Variants in MYO3A observed in about 807,000 individuals in gnomAD.
MYO3A encodes the protein myosin-IIIa.
Under a neutral mutation model 192.7 loss-of-function variants are expected in MYO3A, and 180 were observed. The observed-to-expected ratio is 0.93, with a 90% CI of 0.83 to 1.06. MYO3A has a LOEUF of 1.06. Among genes scored for constraint, MYO3A ranks in the 50% least tolerant of loss-of-function variants. The pLI is 0.00. For missense variants in MYO3A, 1,896 were observed against 1,905.0 expected (o/e 1.00, Z 0.09); for synonymous variants, 628 against 645.3 (o/e 0.97, Z 0.41).
rs1337564123 is a variant in MYO3A, at chr10:26,153,879, G to T, written c.2665G>T (p.Val889Phe). ...TCTGCCACATTCTAAAACTAAAAAT[G>T]TTATAAACTATCAAATGAGGACTTC... ...GNLPHSKTKNVINYQMRTSEK... is the reference protein window; with the variant it reads ...GNLPHSKTKNFINYQMRTSEK... Residue 889 changes from valine to phenylalanine, a missense_variant, in exon 24 of 35, where the codon GTT becomes TTT. Physicochemically the swap from Val to Phe is conservative, Grantham distance 50 (BLOSUM62 -1). Coordinates refer to ENST00000642920, the MANE Select transcript of MYO3A (RefSeq NM_017433.5). 4 of 1,591,988 alleles carry T rather than the reference G, an allele frequency of 2.5e-6. No individual in the cohort carries two copies. Among genetic ancestry groups the T allele is most frequent in the Admixed American group, 3.3e-5 (2 of 59,916 alleles).
chr10:26,141,639 A>C (rs867944141), intron 20 of MYO3A, among the ~76,000 whole-genome samples: 1 of 152,220 alleles, frequency 6.6e-6, no homozygotes, highest in South Asian at 2.1e-4. Context: ...TGCCATTTAA[A>C]TTGTAATATG....
chr10:25,960,336 A>G lies in MYO3A; in HGVS notation c.303+5328A>G, dbSNP rs560322819. On this transcript the variant is annotated intron_variant, in intron 4 of 34. Transcript: ENST00000642920. ...TATTATTTTACAAAATTAAATAGCC[A>G]TGTATGTTCTTTAAAAATAGACAAT... 5.3e-5 allele frequency among the ~76,000 whole-genome samples: 8 copies of G among 152,242 alleles called. No homozygotes were observed. The East Asian group carries it at 1.5e-3, about 29-fold the overall frequency.
intron 20 of MYO3A, among the ~76,000 whole-genome samples, chr10:26,140,932 GT>G (rs1015798582): frequency 6.6e-6 from 1 of 151,942 alleles, no homozygotes; most frequent in Non-Finnish European, 1.5e-5. Flanking sequence ...TTGTTTGTTT[GT>G]TTTTTGTTTT....
chr10:26,120,168 G>GA (rs113716541), intron 17 of MYO3A, among the ~76,000 whole-genome samples: 28 of 146,156 alleles, frequency 1.9e-4, no homozygotes, highest in Middle Eastern at 3.5e-3. Context: ...TCTCAAAAAA[G>GA]AAAAAAAAAA....
chr10:26,011,939 T>A (rs1211966669), intron 6 of MYO3A, among the ~76,000 whole-genome samples: 3 of 152,156 alleles, frequency 2.0e-5, no homozygotes, highest in Non-Finnish European at 4.4e-5. Context: ...GCAGGGATAG[T>A]TTAACATATA....
intron 6 of MYO3A, among the ~76,000 whole-genome samples, chr10:26,009,111 GT>G (rs1841442855): frequency 6.6e-6 from 1 of 151,782 alleles, no homozygotes; most frequent in Non-Finnish European, 1.5e-5. Flanking sequence ...ATCATTCTCA[GT>G]AAACTATTGC....
chr10:25,963,885 C>T (rs947159667), intron 4 of MYO3A, among the ~76,000 whole-genome samples: 1 of 152,102 alleles, frequency 6.6e-6, no homozygotes, highest in African/African-American at 2.4e-5. Flanking sequence ...ATATATCTTT[C>T]TTTCCTAATT....
chr10:26,153,823 A>ATATTACATT (rs779125354), intron 23 of MYO3A, 27 bp from the exon 24 acceptor site: 1 of 1,387,966 alleles, frequency 7.2e-7, no homozygotes, highest in South Asian at 1.2e-5. Flanking sequence ...TCTAAAAGGT[A>ATATTACATT]TATTACATTT....
At chr10:26,009,560 C>T (rs10828931) in intron 6 of MYO3A, among the ~76,000 whole-genome samples, 14,261 of 152,054 alleles carry the variant, frequency 0.094, 1,169 homozygotes, top group African/African-American at 0.21. Flanking sequence ...TCCTCAGGTG[C>T]GGGTGTGCAG....
chr10:26,115,728 G>A (rs1388505939), intron 17 of MYO3A, among the ~76,000 whole-genome samples: 1 of 152,062 alleles, frequency 6.6e-6, no homozygotes, highest in Non-Finnish European at 1.5e-5. Context: ...TCCAAATGAT[G>A]GACAGGGCAG....
At chr10:26,063,290 G>GT (rs1834623070) in intron 10 of MYO3A, among the ~76,000 whole-genome samples, 1 of 152,156 alleles carries the variant, frequency 6.6e-6, no homozygotes. Context: ...CAGTGCAGAT[G>GT]TTTATAATTT....
At chr10:26,031,934 C>T (rs1201186886) in intron 10 of MYO3A, among the ~76,000 whole-genome samples, 1 of 152,180 alleles carries the variant, frequency 6.6e-6, no homozygotes, top group Non-Finnish European at 1.5e-5. Flanking sequence ...ACTTAAATAA[C>T]AAATTCCAAA....
chr10:26,123,415 AG>A (rs1838994441), intron 18 of MYO3A, among the ~76,000 whole-genome samples: 1 of 152,214 alleles, frequency 6.6e-6, no homozygotes, highest in Admixed American at 6.5e-5. Flanking sequence ...ACTAAGCAAC[AG>A]AAGTTACCAA....
chr10:25,974,280 G>A (rs1450969165), intron 4 of MYO3A, among the ~76,000 whole-genome samples: 3 of 152,086 alleles, frequency 2.0e-5, no homozygotes, highest in South Asian at 2.1e-4. Flanking sequence ...CATGTATCCC[G>A]GAACTTAAAT....
intron 17 of MYO3A, among the ~76,000 whole-genome samples, chr10:26,103,114 G>T (rs542830348): frequency 3.2e-4 from 49 of 152,262 alleles, no homozygotes; most frequent in African/African-American, 1.1e-3. Context: ...CAGCCTTGCT[G>T]CCACCTTGCA....
At chr10:26,157,981 C>G (rs1471391073) in intron 26 of MYO3A, among the ~76,000 whole-genome samples, 1 of 152,114 alleles carries the variant, frequency 6.6e-6, no homozygotes, top group Non-Finnish European at 1.5e-5. Flanking sequence ...AGCCATTCTA[C>G]AATTTACAGG....
intron 10 of MYO3A, among the ~76,000 whole-genome samples, chr10:26,029,815 G>A (rs921073308): frequency 6.6e-6 from 1 of 152,048 alleles, no homozygotes; most frequent in Non-Finnish European, 1.5e-5. Context: ...TTAATATTTG[G>A]TTTCCTTAGT....
At chr10:26,126,427 A>G (rs866452950) in intron 19 of MYO3A, among the ~76,000 whole-genome samples, 1 of 152,182 alleles carries the variant, frequency 6.6e-6, no homozygotes, top group South Asian at 2.1e-4. Flanking sequence ...ACTAAAATAC[A>G]TACCACACCA....
rs1836462608 is a variant in MYO3A, at chr10:26,088,210, A to C, written c.1367A>C (p.Asn456Thr). 1 of 1,607,552 alleles carries C rather than the reference A, an allele frequency of 6.2e-7. No individual in the cohort carries two copies. The highest frequency in any genetic ancestry group is 8.5e-7 in the Non-Finnish European group (1 of 1,176,328). ...TTAATATTTTCTATTTAGGCTAATAACAGAACCTTGCAAGAGAAGATTTTA... is the reference window on the plus strand; with the variant it reads ...TTAATATTTTCTATTTAGGCTAATACCAGAACCTTGCAAGAGAAGATTTTA... ...QQLTVLGKANNRTLQEKILQV... is the reference protein window; with the variant it reads ...QQLTVLGKANTRTLQEKILQV... Residue 456 changes from asparagine (N) to threonine (T), a missense_variant, in exon 15 of 35, where the codon AAC becomes ACC. By Grantham distance (65) the Asn-to-Thr change is moderately conservative (BLOSUM62 0). Transcript: ENST00000642920.
Sources: allele counts gnomAD v4.1 joint callset (sites outside exome capture counted in the v4.1 genomes callset), GRCh38; gene constraint gnomAD v4.1.1; transcripts MANE v1.5; gene names NCBI Gene and HGNC (gene_info 2026-07-23, HGNC 2026-07-21).